Variants in MAN1C1 observed in about 807,000 individuals in gnomAD.
MAN1C1 encodes the protein mannosyl-oligosaccharide 1,2-alpha-mannosidase IC.
A neutral mutation model predicts 71.5 loss-of-function variants in MAN1C1; 49 were observed. The observed-to-expected ratio is 0.69, with a 90% CI of 0.54 to 0.87. The LOEUF is 0.87. Ranked by LOEUF, MAN1C1 falls within the 40% of genes least tolerant of loss-of-function variation. MAN1C1 has a pLI of 0.00. For missense variants in MAN1C1, 743 were observed against 835.0 expected (o/e 0.89, Z 1.36); for synonymous variants, 352 against 343.7 (o/e 1.02, Z -0.27).
chr1:25,665,411 C>T (rs1323655771), intron 1 of MAN1C1, among the ~76,000 whole-genome samples: 1 of 152,166 alleles, frequency 6.6e-6, no homozygotes, highest in Non-Finnish European at 1.5e-5. Flanking sequence ...CAGCCTACAT[C>T]TTCAAAAAGA....
intron 1 of MAN1C1, among the ~76,000 whole-genome samples, chr1:25,680,564 C>G (rs2046137684): frequency 6.6e-6 from 1 of 152,204 alleles, no homozygotes; most frequent in South Asian, 2.1e-4. Flanking sequence ...GAATCATACT[C>G]CAGGTAGCAT....
At chr1:25,691,376 A>T (rs972081593) in intron 2 of MAN1C1, among the ~76,000 whole-genome samples, 1 of 152,216 alleles carries the variant, frequency 6.6e-6, no homozygotes, top group Non-Finnish European at 1.5e-5. Context: ...TTGCATGTGC[A>T]TGCTGCTTTG....
chr1:25,782,196 C>A lies in MAN1C1; in HGVS notation c.1651-389C>A, dbSNP rs2124420121. Among the ~76,000 whole-genome samples the A allele has an allele frequency of 6.6e-6, 1 of 152,338 alleles. No individual in the cohort carries two copies. The highest frequency in any genetic ancestry group is 1.9e-4 in the East Asian group (1 of 5,182). Reference sequence around the variant, plus strand: ...GGAGTACCAAGTCCGTCCCCAAATCCCAGCCCATGGCCATCACCCGTGGCT... The same window carrying A: ...GGAGTACCAAGTCCGTCCCCAAATCACAGCCCATGGCCATCACCCGTGGCT... On this transcript the variant is annotated intron_variant, in intron 10 of 11. Coordinates refer to ENST00000374332, the MANE Select transcript of MAN1C1 (RefSeq NM_020379.4). This position sits in a 1 kb window ranked among gnomAD's most constrained non-coding sequence, Gnocchi z 4.4.
In MAN1C1 at chr1:25,683,377, C is replaced by T. The variant is rs148819371; in HGVS notation, c.541-3063C>T. Reference sequence around the variant, plus strand: ...TCTTGCCTGTGAAGCGTGTGGTCCACGTTGAGTCTTCCAGCCACGTGTTAA... The same window carrying T: ...TCTTGCCTGTGAAGCGTGTGGTCCATGTTGAGTCTTCCAGCCACGTGTTAA... On this transcript the variant is annotated intron_variant, in intron 1 of 11. Coordinates refer to ENST00000374332, the MANE Select transcript of MAN1C1 (RefSeq NM_020379.4). 9.8e-4 allele frequency among the ~76,000 whole-genome samples: 150 copies of T among 152,332 alleles called. 1 individual carries two copies. The highest frequency in any genetic ancestry group is 3.9e-3 in the Admixed American group (60 of 15,302).
At chr1:25,716,296 G>C (rs1295385501) in intron 2 of MAN1C1, among the ~76,000 whole-genome samples, 1 of 152,182 alleles carries the variant, frequency 6.6e-6, no homozygotes, top group Non-Finnish European at 1.5e-5. Context: ...AGATCTGCCT[G>C]ACAGGTCCCT....
chr1:25,715,556 G>A (rs1288439124), intron 2 of MAN1C1, among the ~76,000 whole-genome samples: 2 of 152,208 alleles, frequency 1.3e-5, no homozygotes, highest in Non-Finnish European at 2.9e-5. Context: ...GAAAGGTCCA[G>A]GCTCTGCCCT....
At chr1:25,657,289 C>A (rs1362407398) in intron 1 of MAN1C1, among the ~76,000 whole-genome samples, 1 of 152,306 alleles carries the variant, frequency 6.6e-6, no homozygotes, top group East Asian at 1.9e-4. Flanking sequence ...AGCAGACTGC[C>A]CTTCCCCACG....
intron 2 of MAN1C1, among the ~76,000 whole-genome samples, chr1:25,713,845 C>T (rs2046645189): frequency 6.6e-6 from 1 of 152,184 alleles, no homozygotes; most frequent in Admixed American, 6.5e-5. Context: ...CCAGTGTCTG[C>T]TCTTTGCTGC....
intron 1 of MAN1C1, among the ~76,000 whole-genome samples, chr1:25,623,040 C>G (rs2045237904): frequency 6.6e-6 from 1 of 152,176 alleles, no homozygotes; most frequent in South Asian, 2.1e-4. Flanking sequence ...AGTTGTAAAT[C>G]CATTCAAGAT....
At position 25,682,916 on chromosome 1, in the gene MAN1C1, T is replaced by G. The variant is rs576266381; in HGVS notation, c.541-3524T>G. ...AGCTGAGCGTGGTGGCACGTGTCTGTAATCCCGGCTACTCGGGAGGCTGAC... is the reference window on the plus strand; with the variant it reads ...AGCTGAGCGTGGTGGCACGTGTCTGGAATCCCGGCTACTCGGGAGGCTGAC... On this transcript the variant is annotated intron_variant, in intron 1 of 11. Transcript: ENST00000374332. Among the ~76,000 whole-genome samples, 4 of 152,112 alleles carry G rather than the reference T, an allele frequency of 2.6e-5. No individual in the cohort carries two copies. In the East Asian group the frequency reaches 7.7e-4, roughly 29 times the overall value.
intron 2 of MAN1C1, among the ~76,000 whole-genome samples, chr1:25,732,110 G>A (rs1358556030): frequency 2.0e-5 from 3 of 152,124 alleles, no homozygotes; most frequent in Non-Finnish European, 4.4e-5. Context: ...ATCTGGGGGG[G>A]CTCCTGCAGA....
At chr1:25,733,960 C>G (rs1018991494) in intron 2 of MAN1C1, among the ~76,000 whole-genome samples, 1 of 151,622 alleles carries the variant, frequency 6.6e-6, no homozygotes, top group Non-Finnish European at 1.5e-5. Flanking sequence ...CCACCACGCC[C>G]GGCTAATTTT....
At chr1:25,685,444 C>T (rs1041188890) in intron 1 of MAN1C1, among the ~76,000 whole-genome samples, 3 of 152,204 alleles carry the variant, frequency 2.0e-5, no homozygotes, top group African/African-American at 7.2e-5. Flanking sequence ...GCTCCCTCTG[C>T]AGCCAGCCAT....
At chr1:25,667,881 C>T (rs1383403423) in intron 1 of MAN1C1, among the ~76,000 whole-genome samples, 1 of 152,190 alleles carries the variant, frequency 6.6e-6, no homozygotes, top group Non-Finnish European at 1.5e-5. Context: ...AAAACCCACA[C>T]TGAGCTGCCT....
intron 1 of MAN1C1, among the ~76,000 whole-genome samples, chr1:25,680,992 G>T (rs180925577): frequency 1.3e-5 from 2 of 151,948 alleles, no homozygotes; most frequent in African/African-American, 2.4e-5. Flanking sequence ...GAAGCGAGGC[G>T]TGCAGATCAC....
intron 2 of MAN1C1, among the ~76,000 whole-genome samples, chr1:25,689,436 T>C (rs60887874): frequency 0.038 from 5,732 of 152,250 alleles, 341 homozygotes; most frequent in African/African-American, 0.13. Flanking sequence ...AATCCTGGCC[T>C]AGGGACTGCC....
intron 2 of MAN1C1, among the ~76,000 whole-genome samples, chr1:25,737,530 A>G (rs2046999473): frequency 6.6e-6 from 1 of 152,198 alleles, no homozygotes; most frequent in Non-Finnish European, 1.5e-5. Flanking sequence ...ATCGCCATTC[A>G]TTCATTCATT....
chr1:25,755,979 A>T (rs1019087250), intron 5 of MAN1C1, among the ~76,000 whole-genome samples: 4 of 152,124 alleles, frequency 2.6e-5, no homozygotes, highest in Admixed American at 2.0e-4. Context: ...AACACCTAGG[A>T]TTTGGAATTG....
At position 25,618,040 on chromosome 1, in the gene MAN1C1, T is replaced by G; in HGVS notation, c.243T>G (p.Pro81=). Residue 81 remains proline, a synonymous_variant, in exon 1 of 12, where the codon CCT becomes CCG. Transcript: ENST00000374332. ...GHAPAREQEP[P]PNPAPAAPAP... ...CCCCGGCCCGCGAGCAGGAGCCGCC[T>G]CCCAACCCGGCCCCCGCCGCGCCGG... 1 of 1,579,546 alleles carries G rather than the reference T, an allele frequency of 6.3e-7. No homozygotes were observed.
Sources: gnomAD v4.1 joint callset for allele counts (sites outside exome capture counted in the v4.1 genomes callset) on GRCh38, gnomAD v4.1.1 for gene constraint, Gnocchi (gnomAD v3.1) non-coding constraint, MANE v1.5 for transcripts, NCBI Gene and HGNC (gene_info 2026-07-23, HGNC 2026-07-21) for gene names.